The following ZNF385D variants were observed in gnomAD, a reference collection of about 807,000 sequenced individuals.
ZNF385D encodes the protein zinc finger protein 385D.
In ZNF385D, 15 loss-of-function variants were observed where a neutral mutation model predicts 35.8. That is an observed-to-expected ratio of 0.42 (90% CI 0.28 to 0.64). The LOEUF (loss-of-function observed/expected upper bound fraction) is 0.64. Ranked by LOEUF, ZNF385D falls within the 30% of genes least tolerant of loss-of-function variation. The pLI is 0.23. For synonymous variants in ZNF385D, 212 were observed against 186.8 expected, an observed-to-expected ratio of 1.13 and a Z score of -1.10; for missense variants, 474 against 494.6, an observed-to-expected ratio of 0.96 and a Z score of 0.39.
At position 21,767,166 on chromosome 3, in the gene ZNF385D, T is replaced by C. The variant is rs1246716974; in HGVS notation, c.326-102138A>G. ...CAAATATTGTCAATTGAGAGTCTTA[T>C]GGAAATCACAGATCTTAGAGAAATG... On this transcript the variant is annotated intron_variant, in intron 3 of 5. Transcript: ENST00000494108. Among the ~76,000 whole-genome samples the C allele has an allele frequency of 4.0e-5, 6 of 151,846 alleles. No individual in the cohort carries two copies. In the South Asian group the frequency reaches 6.2e-4, roughly 16 times the overall value.
chr3:22,195,788 A>G (rs1279096956), intron 2 of ZNF385D, among the ~76,000 whole-genome samples: 1 of 152,038 alleles, frequency 6.6e-6, no homozygotes, highest in Non-Finnish European at 1.5e-5. Flanking sequence ...CCTATCAATG[A>G]TAGACTGGAT....
chr3:21,937,715 C>T (rs938513896), intron 3 of ZNF385D, among the ~76,000 whole-genome samples: 2 of 151,782 alleles, frequency 1.3e-5, no homozygotes, highest in Non-Finnish European at 2.9e-5. Flanking sequence ...TTGATGTGAA[C>T]AAGAAAAAAA....
chr3:21,821,872 A>G (rs1694255046), intron 3 of ZNF385D, among the ~76,000 whole-genome samples: 1 of 151,078 alleles, frequency 6.6e-6, no homozygotes, highest in African/African-American at 2.4e-5. Flanking sequence ...AGGCTGAGAC[A>G]GGAGGATCAC....
intron 3 of ZNF385D, among the ~76,000 whole-genome samples, chr3:21,812,583 G>A (rs912400856): frequency 6.6e-6 from 1 of 152,226 alleles, no homozygotes; most frequent in African/African-American, 2.4e-5. Context: ...CACGCCCACG[G>A]AGCCTTGCTC....
intron 3 of ZNF385D, among the ~76,000 whole-genome samples, chr3:21,786,688 T>C (rs550438446): frequency 2.0e-5 from 3 of 152,236 alleles, no homozygotes; most frequent in Admixed American, 1.3e-4. Flanking sequence ...TTTATACTTT[T>C]CTGCTTGGTA....
intron 2 of ZNF385D, among the ~76,000 whole-genome samples, chr3:22,325,857 A>G (rs1694653886): frequency 6.6e-6 from 1 of 152,162 alleles, no homozygotes; most frequent in African/African-American, 2.4e-5. Flanking sequence ...AAGGTCTGGT[A>G]GTTTTAACTA....
intron 2 of ZNF385D, among the ~76,000 whole-genome samples, chr3:22,247,098 T>C (rs1559477010): frequency 6.6e-6 from 1 of 152,140 alleles, no homozygotes; most frequent in Non-Finnish European, 1.5e-5. Context: ...TGTTAGATTT[T>C]AAATTCCTGG....
intron 3 of ZNF385D, among the ~76,000 whole-genome samples, chr3:22,132,201 G>C (rs1037295692): frequency 6.6e-6 from 1 of 152,032 alleles, no homozygotes; most frequent in Non-Finnish European, 1.5e-5. Flanking sequence ...GGGTCACAAG[G>C]GTAGAACCCT....
chr3:22,214,592 G>C (rs1465469518), intron 2 of ZNF385D, among the ~76,000 whole-genome samples: 1 of 152,016 alleles, frequency 6.6e-6, no homozygotes, highest in African/African-American at 2.4e-5. Context: ...GTCCCTGAAG[G>C]TAGACCTCTA....
At chr3:22,302,973 ATT>A (rs1702988477) in intron 2 of ZNF385D, among the ~76,000 whole-genome samples, 1 of 152,068 alleles carries the variant, frequency 6.6e-6, no homozygotes, top group Non-Finnish European at 1.5e-5. Flanking sequence ...AACGTGTAAA[ATT>A]TTAACTAATT....
chr3:22,142,264 C>A (rs983366854), intron 3 of ZNF385D, among the ~76,000 whole-genome samples: 2 of 152,088 alleles, frequency 1.3e-5, no homozygotes, highest in Non-Finnish European at 2.9e-5. Context: ...TCTTTACCAG[C>A]TTTTTACTAG....
At chr3:22,172,452 T>C (rs1018347041) in intron 2 of ZNF385D, among the ~76,000 whole-genome samples, 5 of 152,242 alleles carry the variant, frequency 3.3e-5, no homozygotes, top group Non-Finnish European at 5.9e-5. Context: ...TTTTCTGGGA[T>C]GCAATGTGGT....
intron 2 of ZNF385D, among the ~76,000 whole-genome samples, chr3:22,260,664 A>T (rs1022754940): frequency 6.6e-6 from 1 of 151,994 alleles, no homozygotes; most frequent in African/African-American, 2.4e-5. Flanking sequence ...ATGGACATAA[A>T]TCTGCCCATT....
chr3:22,143,854 C>A (rs1198135658), intron 3 of ZNF385D, among the ~76,000 whole-genome samples: 1 of 152,148 alleles, frequency 6.6e-6, no homozygotes, highest in Non-Finnish European at 1.5e-5. Flanking sequence ...TGTAACTACA[C>A]AATGTATTAT....
chr3:21,866,810 A>T (rs568639450), intron 3 of ZNF385D, among the ~76,000 whole-genome samples: 1 of 152,316 alleles, frequency 6.6e-6, no homozygotes, highest in African/African-American at 2.4e-5. Context: ...TAAATCAATA[A>T]TTAGAATCAT....
chr3:21,763,002 C>T (rs1281761361), intron 3 of ZNF385D, among the ~76,000 whole-genome samples: 1 of 152,166 alleles, frequency 6.6e-6, no homozygotes, highest in Non-Finnish European at 1.5e-5. Context: ...GTCTGTGACA[C>T]TGTCATTGAG....
chr3:21,561,220 G>T (rs1010031662), intron 3 of ZNF385D, among the ~76,000 whole-genome samples: 1 of 152,136 alleles, frequency 6.6e-6, no homozygotes, highest in Admixed American at 6.5e-5. Context: ...ACGTAGCTTG[G>T]TTTCTGTCCA....
chr3:21,828,518 G>T (rs1463889650), intron 3 of ZNF385D, among the ~76,000 whole-genome samples: 1 of 152,082 alleles, frequency 6.6e-6, no homozygotes, highest in Non-Finnish European at 1.5e-5. Flanking sequence ...ACATCATTTT[G>T]ACATTTATGT....
chr3:21,780,270 AAAAG>A lies in ZNF385D; in HGVS notation c.326-115246_326-115243del, dbSNP rs1308668244. 3.9e-5 allele frequency among the ~76,000 whole-genome samples: 6 copies of A among 151,926 alleles called. No individual in the cohort carries two copies. In the East Asian group the frequency reaches 1.2e-3, roughly 29 times the overall value. ...CTATGAGACGAGTTTCACACATTTC[AAAAG>A]AAAGTAATAGATTAATACAGTGCTC... is the stretch of plus-strand genomic sequence containing the variant. On this transcript the variant is annotated intron_variant, in intron 3 of 5. Transcript: ENST00000494108.
Sources: allele counts gnomAD v4.1 joint callset (sites outside exome capture counted in the v4.1 genomes callset), GRCh38; gene constraint gnomAD v4.1.1; transcripts MANE v1.5; gene names NCBI Gene and HGNC (gene_info 2026-07-23, HGNC 2026-07-21).